Variants in RREB1 observed in about 807,000 individuals in gnomAD.
RREB1 encodes ras responsive element binding protein 1.
RREB1 carries 27 observed loss-of-function variants against 117.8 expected under a neutral mutation model. The observed-to-expected ratio is 0.23, with a 90% CI of 0.17 to 0.32. The LOEUF (loss-of-function observed/expected upper bound fraction) is 0.32, where lower values mean the gene tolerates loss of function less well. Ranked by LOEUF, RREB1 falls within the 10% of genes least tolerant of loss-of-function variation. RREB1 has a pLI of 1.00. For synonymous variants in RREB1, 1,298 were observed against 1,026.7 expected (o/e 1.26, Z -5.05); for missense variants, 2,577 against 2,378.2 (o/e 1.08, Z -1.74).
In RREB1 at chr6:7,231,319, T is replaced by G. The variant is rs765746565; in HGVS notation, c.3220T>G (p.Ser1074Ala). The G allele has an allele frequency of 2.3e-5, 37 of 1,609,418 alleles. No homozygotes were observed. The highest frequency in any genetic ancestry group is 1.7e-6 in the Non-Finnish European group (2 of 1,177,582). The change falls in exon 10 of 13, where the codon TCT becomes GCT. Residue 1074 changes from serine to alanine, a missense_variant. Ser to Ala is a moderately conservative substitution (Grantham distance 99). Transcript: ENST00000379938. Reference protein sequence around the residue: ...PLASIAQIISSVSSAPTLLKT... With the variant: ...PLASIAQIISAVSSAPTLLKT... Reference sequence around the variant, plus strand: ...GGCCTCCATTGCCCAGATCATCTCATCTGTATCCTCGGCCCCCACCCTGCT... The same window carrying G: ...GGCCTCCATTGCCCAGATCATCTCAGCTGTATCCTCGGCCCCCACCCTGCT...
intron 6 of RREB1, among the ~76,000 whole-genome samples, chr6:7,209,184 A>C (rs575216128): frequency 6.6e-6 from 1 of 152,222 alleles, no homozygotes; most frequent in African/African-American, 2.4e-5. Context: ...AAATGGGCTC[A>C]TGAACTGTTT....
intron 8 of RREB1, chr6:7,219,092 C>CAAAAAAAAAAAA (rs57534871): frequency 4.9e-5 from 2 of 40,526 alleles, no homozygotes; most frequent in Non-Finnish European, 8.1e-5. Flanking sequence ...TACTAAAATA[C>CAAAAAAAAAAAA]AAAAAAAAAA....
chr6:7,154,246 A>C (rs929166009), intron 1 of RREB1, among the ~76,000 whole-genome samples: 1 of 152,260 alleles, frequency 6.6e-6, no homozygotes, highest in East Asian at 1.9e-4. Flanking sequence ...GACAAGCAGC[A>C]TTAGCATCAC....
At position 7,181,127 on chromosome 6, in the gene RREB1, C is replaced by T. The variant is rs1764773055; in HGVS notation, c.-162C>T. The T allele has an allele frequency of 2.5e-6, 1 of 398,336 alleles. No individual in the cohort carries two copies. The highest frequency in any genetic ancestry group is 2.1e-5 in the African/African-American group (1 of 48,586). The allele number at this position is 398,336 out of a possible 1,614,324, so 24.7% of individuals were successfully genotyped here. On this transcript the variant is annotated 5_prime_UTR_variant, in exon 3 of 13. Transcript: ENST00000379938. ...TGGGCCTTTGCTTCCCTTCCAGTGT[C>T]AACGAGTACTACCAAGAGAAGAAGA... is the stretch of plus-strand genomic sequence containing the variant.
intron 5 of RREB1, chr6:7,187,808 A>T (rs972931316): frequency 5.6e-6 from 1 of 177,884 alleles, no homozygotes; most frequent in South Asian, 1.9e-4. Flanking sequence ...GGAGGTGGTT[A>T]TGAAATGACT....
chr6:7,227,562 T>A (rs1032232523), intron 9 of RREB1, among the ~76,000 whole-genome samples: 8 of 151,674 alleles, frequency 5.3e-5, no homozygotes, highest in South Asian at 4.2e-4. Flanking sequence ...ATTTTTTTTT[T>A]AAATAAAATA....
At chr6:7,163,459 T>C (rs1191840329) in intron 1 of RREB1, among the ~76,000 whole-genome samples, 1 of 152,168 alleles carries the variant, frequency 6.6e-6, no homozygotes, top group Admixed American at 6.5e-5. Flanking sequence ...TGGTGCTATC[T>C]TGGCTCACTG....
chr6:7,222,936 G>C (rs1767347417), intron 8 of RREB1, among the ~76,000 whole-genome samples: 1 of 151,950 alleles, frequency 6.6e-6, no homozygotes, highest in African/African-American at 2.4e-5. Context: ...TAACCAATAG[G>C]CTGTGCACTA....
At position 7,165,215 on chromosome 6, in the gene RREB1, A is replaced by G. The variant is rs188100066; in HGVS notation, c.-284-11440A>G. On this transcript the variant is annotated intron_variant, in intron 1 of 12. Coordinates refer to ENST00000379938, the MANE Select transcript of RREB1 (RefSeq NM_001003699.4). ...GAGGCAAATATTTTAAACAAGTCAA[A>G]CAGCCCCTCTAGGCGAGCTGCAGGA... Among the ~76,000 whole-genome samples the G allele has an allele frequency of 5.0e-3, 766 of 152,300 alleles. 5 individuals are homozygous for G. Among genetic ancestry groups the G allele is most frequent in the Middle Eastern group, 0.014 (4 of 294 alleles).
chr6:7,189,042 A>T, intron 5 of RREB1, 117 bp from the exon 6 acceptor site: 1 of 965,446 alleles, frequency 1.0e-6, no homozygotes, highest in African/African-American at 1.7e-5. Flanking sequence ...TGAAAGAGAA[A>T]CACATAGCCA....
At chr6:7,187,355 A>C in intron 4 of RREB1, 79 bp from the exon 5 acceptor site, 2 of 860,112 alleles carry the variant, frequency 2.3e-6, no homozygotes, top group Admixed American at 1.9e-5. Flanking sequence ...ACAAGTGCTT[A>C]TTACACTTAT....
In RREB1 at chr6:7,234,990, G is replaced by A. The variant is rs571266850; in HGVS notation, c.3808+3083G>A. 2.0e-5 allele frequency among the ~76,000 whole-genome samples: 3 copies of A among 152,330 alleles called. No individual in the cohort carries two copies. The South Asian group carries it at 6.2e-4, about 32-fold the overall frequency. On this transcript the variant is annotated intron_variant, in intron 10 of 12. Coordinates refer to ENST00000379938, the MANE Select transcript of RREB1 (RefSeq NM_001003699.4). Reference sequence around the variant, plus strand: ...ATTGCAGAAGGTTTGGAAGTAGTTTGAGATAAGGGGGGACACCACTGTGGA... The same window carrying A: ...ATTGCAGAAGGTTTGGAAGTAGTTTAAGATAAGGGGGGACACCACTGTGGA...
At chr6:7,189,407 A>G in intron 6 of RREB1, 85 bp downstream of exon 6, 1 of 1,297,980 alleles carries the variant, frequency 7.7e-7, no homozygotes, top group Non-Finnish European at 1.0e-6. Context: ...CCTTCAGAAG[A>G]CTTGCCTAAA....
Position 7,231,291 on chromosome 6 carries a change from G to A in RREB1, c.3192G>A (p.Pro1064=), listed in dbSNP as rs755201299. 1.2e-5 allele frequency: 20 copies of A among 1,604,144 alleles called. No individual in the cohort carries two copies. Among genetic ancestry groups the A allele is most frequent in the African/African-American group, 1.1e-4 (8 of 74,320 alleles). Residue 1064 remains proline, a synonymous_variant, in exon 10 of 13, where the codon CCG becomes CCA. Transcript: ENST00000379938. The stretch of plus-strand genomic sequence containing the variant: ...CCCCCGTGACAGAAGAGCTGCCCCC[G>A]CTGGCCTCCATTGCCCAGATCATCT... ...PKPPVTEELP[P]LASIAQIISS...
chr6:7,239,151 C>T (rs976832941), intron 10 of RREB1, among the ~76,000 whole-genome samples: 5 of 152,238 alleles, frequency 3.3e-5, no homozygotes, highest in African/African-American at 2.4e-5. Flanking sequence ...CGACATTAAT[C>T]TAACGCCAGA....
At chr6:7,192,200 TTG>T (rs1475627359) in intron 6 of RREB1, among the ~76,000 whole-genome samples, 3 of 150,694 alleles carry the variant, frequency 2.0e-5, no homozygotes, top group African/African-American at 7.3e-5. Context: ...TGTTGTTCGT[TTG>T]TTTTTTTTGA....
At chr6:7,156,326 C>G (rs186829404) in intron 1 of RREB1, among the ~76,000 whole-genome samples, 1 of 152,190 alleles carries the variant, frequency 6.6e-6, no homozygotes, top group East Asian at 1.9e-4. Context: ...AGGTAAATCT[C>G]GAGTCAAATC....
rs547689581 is a variant in RREB1 at position 7,132,136 on chromosome 6, C to T, written c.-285+24076C>T. Among the ~76,000 whole-genome samples the T allele has an allele frequency of 4.7e-3, 722 of 152,244 alleles. 7 individuals are homozygous for T. The highest frequency in any genetic ancestry group is 0.017 in the African/African-American group (689 of 41,540). Reference sequence around the variant, plus strand: ...ATGGTGCAATCTCGGCTCACTGCAGCCTCTGCCTCCCGGGTTCAAGCGATT... The same window carrying T: ...ATGGTGCAATCTCGGCTCACTGCAGTCTCTGCCTCCCGGGTTCAAGCGATT... On this transcript the variant is annotated intron_variant, in intron 1 of 12. Coordinates refer to ENST00000379938, the MANE Select transcript of RREB1 (RefSeq NM_001003699.4).
chr6:7,130,864 C>A (rs1762125999), intron 1 of RREB1, among the ~76,000 whole-genome samples: 1 of 151,344 alleles, frequency 6.6e-6, no homozygotes, highest in Non-Finnish European at 1.5e-5. Context: ...ATCCATCCAC[C>A]TTGGCCTCCC....
Sources: gnomAD v4.1 joint callset for allele counts (sites outside exome capture counted in the v4.1 genomes callset) on GRCh38, gnomAD v4.1.1 for gene constraint, MANE v1.5 for transcripts, NCBI Gene and HGNC (gene_info 2026-07-23, HGNC 2026-07-21) for gene names.